The following RAB31 variants were observed in gnomAD, a reference collection of about 807,000 sequenced individuals.
The protein encoded by RAB31 is RAB31, member RAS oncogene family.
RAB31 carries 21 observed loss-of-function variants against 25.6 expected under a neutral mutation model. The observed-to-expected ratio is 0.82, with a 90% confidence interval of 0.58 to 1.18. The LOEUF is 1.18. RAB31 is among the 50% of genes most tolerant of loss of function. The pLI, the probability that RAB31 is intolerant of heterozygous loss-of-function variation, is 0.00. For missense variants in RAB31, 196 were observed against 250.1 expected, an observed-to-expected ratio of 0.78 and a Z score of 1.46; for synonymous variants, 87 against 84.0, an observed-to-expected ratio of 1.04 and a Z score of -0.20.
intron 3 of RAB31, among the ~76,000 whole-genome samples, chr18:9,811,914 G>A (rs1030537239): frequency 6.6e-6 from 1 of 152,092 alleles, no homozygotes; most frequent in African/African-American, 2.4e-5. Flanking sequence ...GTATTAATCT[G>A]TGCACAAAAT....
At chr18:9,815,261 C>G (rs779882467) in intron 5 of RAB31, 39 bp downstream of exon 5, 1 of 1,384,646 alleles carries the variant, frequency 7.2e-7, no homozygotes, top group Non-Finnish European at 1.0e-6. Flanking sequence ...AGATACTGTC[C>G]TCCATCCCTG....
chr18:9,846,231 T>C (rs2143136768), intron 6 of RAB31, among the ~76,000 whole-genome samples: 1 of 152,334 alleles, frequency 6.6e-6, no homozygotes, highest in African/African-American at 2.4e-5. Flanking sequence ...TCCTTCCTGG[T>C]CCCAGTGCTG....
At chr18:9,836,942 G>A (rs116304904) in intron 5 of RAB31, among the ~76,000 whole-genome samples, 2,711 of 150,746 alleles carry the variant, frequency 0.018, 74 homozygotes, top group African/African-American at 0.062. Context: ...TCAGCATAAG[G>A]AATGGGGTGA....
At chr18:9,779,310 G>T (rs2145493073) in intron 2 of RAB31, among the ~76,000 whole-genome samples, 1 of 152,292 alleles carries the variant, frequency 6.6e-6, no homozygotes, top group African/African-American at 2.4e-5. Flanking sequence ...AGAGGATTTT[G>T]CTAGCTCTTC....
At chr18:9,818,560 A>T (rs967357043) in intron 5 of RAB31, among the ~76,000 whole-genome samples, 2 of 152,254 alleles carry the variant, frequency 1.3e-5, no homozygotes, top group Non-Finnish European at 2.9e-5. Context: ...TTGTATGGAT[A>T]TACCACATTT....
intron 1 of RAB31, among the ~76,000 whole-genome samples, chr18:9,709,786 G>A (rs1330481077): frequency 6.6e-6 from 1 of 152,180 alleles, no homozygotes; most frequent in African/African-American, 2.4e-5. Flanking sequence ...TTTCTCTGTT[G>A]ACCTTTTTGT....
chr18:9,782,649 C>T (rs1425430980), intron 2 of RAB31, among the ~76,000 whole-genome samples: 5 of 151,760 alleles, frequency 3.3e-5, no homozygotes, highest in Admixed American at 3.3e-4. Flanking sequence ...GCGCCTCCTC[C>T]ACCAGTTTGG....
In RAB31 at chr18:9,736,494, CT is replaced by C. The variant is rs1004979119; in HGVS notation, c.39+28059del. Among the ~76,000 whole-genome samples, 8 of 150,946 alleles carry C rather than the reference CT, an allele frequency of 5.3e-5. No homozygotes were observed. In the East Asian group the frequency reaches 5.8e-4, roughly 11 times the overall value. On this transcript the variant is annotated intron_variant, in intron 1 of 6. Transcript: ENST00000578921. ...GGGAAGCCCCTGCCCTCTCCCCTCCCTTTTTTTTTCATTTGTTGATTGGCAA... is the reference window on the plus strand; with the variant it reads ...GGGAAGCCCCTGCCCTCTCCCCTCCCTTTTTTTTCATTTGTTGATTGGCAA...
intron 3 of RAB31, among the ~76,000 whole-genome samples, chr18:9,793,389 G>A (rs1466939519): frequency 2.0e-5 from 3 of 152,288 alleles, no homozygotes; most frequent in South Asian, 2.1e-4. Context: ...GAGGCCGGAC[G>A]CGGTGGCTCA....
At chr18:9,784,203 A>ATTT (rs34471682) in intron 2 of RAB31, among the ~76,000 whole-genome samples, 41 of 148,940 alleles carry the variant, frequency 2.8e-4, no homozygotes, top group Non-Finnish European at 3.9e-4. Context: ...TGCCTGGCTG[A>ATTT]TTTTTTTTTT....
intron 3 of RAB31, among the ~76,000 whole-genome samples, chr18:9,806,522 C>G (rs537817032): frequency 5.3e-4 from 80 of 151,388 alleles, no homozygotes; most frequent in Non-Finnish European, 1.1e-3. Flanking sequence ...TAGGGAGCAG[C>G]GAGAAGGCCG....
At chr18:9,750,857 G>T (rs1206826311) in intron 1 of RAB31, among the ~76,000 whole-genome samples, 4 of 152,146 alleles carry the variant, frequency 2.6e-5, no homozygotes, top group Non-Finnish European at 5.9e-5. Flanking sequence ...CTTCCTGCCT[G>T]CTTGAGAGAG....
chr18:9,791,023 G>A (rs184457314), intron 2 of RAB31, among the ~76,000 whole-genome samples: 1 of 152,336 alleles, frequency 6.6e-6, no homozygotes, highest in African/African-American at 2.4e-5. Flanking sequence ...ATGATCTACT[G>A]AGGCTTTAAA....
At chr18:9,756,813 C>G (rs140017470) in intron 1 of RAB31, among the ~76,000 whole-genome samples, 11 of 152,224 alleles carry the variant, frequency 7.2e-5, no homozygotes, top group Non-Finnish European at 1.6e-4. Context: ...GTTTTGCTTT[C>G]CTCCAGTCCT....
chr18:9,859,147 T>A, intron 6 of RAB31, 81 bp from the exon 7 acceptor site: 1 of 1,010,866 alleles, frequency 9.9e-7, no homozygotes, highest in Non-Finnish European at 1.5e-6. Flanking sequence ...AAAGCAGGAG[T>A]GTTGAAGCAG....
At chr18:9,818,639 A>G (rs60288961) in intron 5 of RAB31, among the ~76,000 whole-genome samples, 12,744 of 152,230 alleles carry the variant, frequency 0.084, 761 homozygotes, top group East Asian at 0.31. Context: ...AAATGTTCCT[A>G]TGAACAATCA....
At chr18:9,850,247 G>A (rs1384890430) in intron 6 of RAB31, among the ~76,000 whole-genome samples, 3 of 152,144 alleles carry the variant, frequency 2.0e-5, no homozygotes, top group African/African-American at 7.2e-5. Flanking sequence ...TAGCATATAG[G>A]ATTCTGGATT....
intron 6 of RAB31, among the ~76,000 whole-genome samples, chr18:9,851,078 CA>C (rs1313764290): frequency 1.3e-5 from 2 of 152,050 alleles, no homozygotes; most frequent in Non-Finnish European, 2.9e-5. Context: ...TAAAGCAAAG[CA>C]AAAGGTTTGC....
At chr18:9,780,451 G>T (rs2145493632) in intron 2 of RAB31, among the ~76,000 whole-genome samples, 1 of 152,168 alleles carries the variant, frequency 6.6e-6, no homozygotes, top group Non-Finnish European at 1.5e-5. Context: ...CCTCTTAGAG[G>T]TAATTACTGT....
Sources: gnomAD v4.1 joint callset for allele counts (sites outside exome capture counted in the v4.1 genomes callset) on GRCh38, gnomAD v4.1.1 for gene constraint, MANE v1.5 for transcripts, NCBI Gene and HGNC (gene_info 2026-07-23, HGNC 2026-07-21) for gene names.